CRELD1: variants seen among roughly 807,000 people sequenced by gnomAD.
The protein encoded by CRELD1 is CRELD disulfide isomerase 1.
In CRELD1, 42 loss-of-function variants were observed where a neutral mutation model predicts 58.2. That is an observed-to-expected ratio of 0.72 (90% CI 0.56 to 0.93). CRELD1 has a LOEUF of 0.93. Among genes scored for constraint, CRELD1 ranks in the 40% least tolerant of loss-of-function variants. The pLI is 0.00. For synonymous variants in CRELD1, 222 were observed against 202.0 expected (o/e 1.10, Z -0.84); for missense variants, 500 against 540.6 (o/e 0.92, Z 0.74).
chr3:9,933,895 T>C lies in CRELD1; in HGVS notation c.-45T>C, dbSNP rs972120018. The stretch of plus-strand genomic sequence containing the variant: ...GGCGCCCGCGGGCTGGGGCGGTCGC[T>C]TCTTCCTTCTCCGTGGCCTACGAGG... On this transcript the variant is annotated 5_prime_UTR_variant, in exon 1 of 11. Transcript: ENST00000452070. 2.9e-5 allele frequency: 13 copies of C among 445,782 alleles called. No homozygotes were observed. Among genetic ancestry groups the C allele is most frequent in the Non-Finnish European group, 4.8e-5 (12 of 248,714 alleles). 27.6% of individuals were successfully genotyped at this position (445,782 alleles called of 1,614,324 possible). A position where few individuals can be genotyped will look rare whatever the true frequency, so the allele number is the denominator to read the frequency against.
intron 6 of CRELD1, 42 bp downstream of exon 6, chr3:9,941,068 G>C: frequency 6.2e-7 from 1 of 1,613,508 alleles, no homozygotes; most frequent in East Asian, 2.2e-5. Flanking sequence ...GGGCAGATGG[G>C]GCACCTGCCT....
chr3:9,935,087 C>T (rs559492588), intron 3 of CRELD1, 170 bp downstream of exon 3: 4 of 608,224 alleles, frequency 6.6e-6, no homozygotes, highest in African/African-American at 1.9e-5. Context: ...TCCTGGAGCT[C>T]ACATTCTAGT....
At chr3:9,938,285 G>C in intron 5 of CRELD1, 179 bp downstream of exon 5, 1 of 642,078 alleles carries the variant, frequency 1.6e-6, no homozygotes, top group Admixed American at 2.4e-5. Context: ...GAAAGGCTTG[G>C]AGAAAGCACA....
intron 5 of CRELD1, 64 bp from the exon 6 acceptor site, chr3:9,940,786 A>AGGGAGACC (rs2085343834): frequency 2.1e-6 from 3 of 1,439,654 alleles, no homozygotes; most frequent in African/African-American, 1.4e-5. Flanking sequence ...GGAGAGGGAG[A>AGGGAGACC]AAATATTATC....
Position 9,941,114 on chromosome 3 carries a change from G to A in CRELD1, c.641G>A (p.Cys214Tyr), listed in dbSNP as rs776263976. ...RNASHLVCSA[C>Y]FGPCARCSGP... ...ATGCTGCCCCCATTCCACCCAGCTT[G>A]TTTTGGCCCCTGTGCCCGATGCTCA... Residue 214 changes from cysteine (C) to tyrosine (Y), a missense_variant, in exon 7 of 11, where the codon TGT becomes TAT. Physicochemically the swap from Cys to Tyr is radical, Grantham distance 194. Transcript: ENST00000452070. The A allele has an allele frequency of 4.3e-6, 7 of 1,614,246 alleles. No individual in the cohort carries two copies. In the Admixed American group the frequency reaches 1.2e-4, roughly 27 times the overall value.
chr3:9,938,435 A>G (rs1001820499), intron 5 of CRELD1: 37 of 343,216 alleles, frequency 1.1e-4, no homozygotes, highest in African/African-American at 7.6e-4. Flanking sequence ...TGGAGCCTCC[A>G]TGATCGCCAT....
At position 9,944,571 on chromosome 3, in the gene CRELD1, GGCAGATAATC is replaced by G; in HGVS notation, c.1258_*4del. 1 of 1,606,052 alleles carries G rather than the reference GGCAGATAATC, an allele frequency of 6.2e-7. No homozygotes were observed. The highest frequency in any genetic ancestry group is 1.1e-5 in the South Asian group (1 of 90,900). On this transcript the variant is annotated stop_lost and 3_prime_UTR_variant, in exon 11 of 11. Coordinates refer to ENST00000452070, the MANE Select transcript of CRELD1 (RefSeq NM_001077415.3). ...CCGTGTGCTGGAGGGCTTCATCAAG[GGCAGATAATC>G]GCGGCCACCACCTGTAGGACCTCCT... is the stretch of plus-strand genomic sequence containing the variant.
chr3:9,941,066 G>A (rs996914057), intron 6 of CRELD1, 40 bp downstream of exon 6: 2 of 1,613,170 alleles, frequency 1.2e-6, no homozygotes, highest in African/African-American at 2.7e-5. Context: ...AGGGGCAGAT[G>A]GGGCACCTGC....
At chr3:9,936,439 G>A (rs1413502274) in intron 3 of CRELD1, among the ~76,000 whole-genome samples, 1 of 151,450 alleles carries the variant, frequency 6.6e-6, no homozygotes, top group African/African-American at 2.4e-5. Context: ...CAGGATATAA[G>A]ACATCAAATA....
chr3:9,940,698 A>C, intron 5 of CRELD1, 152 bp from the exon 6 acceptor site: 5 of 525,922 alleles, frequency 9.5e-6, no homozygotes, highest in East Asian at 3.7e-5. Context: ...AGGGAGAGGG[A>C]GGCCATGGGG....
rs767223932 is a variant in CRELD1, at chr3:9,943,503, G to A, written c.1036G>A (p.Glu346Lys). Residue 346 changes from glutamate (E) to lysine (K), a missense_variant, in exon 10 of 11, where the codon GAG becomes AAG. Physicochemically the swap from Glu to Lys is moderately conservative, Grantham distance 56 (BLOSUM62 1). Transcript: ENST00000452070. Reference sequence around the variant, plus strand: ...GCAGATGGAAGGCATCTGTGTGAAGGAGCAGATCCCAGGTGAGCCCTGGGG... The same window carrying A: ...GCAGATGGAAGGCATCTGTGTGAAGAAGCAGATCCCAGGTGAGCCCTGGGG... ...YKQMEGICVK[E>K]QIPESAGFFS... The A allele has an allele frequency of 1.9e-6, 3 of 1,614,062 alleles. No homozygotes were observed. In the South Asian group the frequency reaches 3.3e-5, roughly 18 times the overall value.
intron 8 of CRELD1, 75 bp from the exon 9 acceptor site, chr3:9,943,002 G>A: frequency 1.3e-6 from 2 of 1,548,582 alleles, no homozygotes; most frequent in East Asian, 2.2e-5. Flanking sequence ...AGCACCCCCA[G>A]GCCTCCGCTT....
intron 5 of CRELD1, among the ~76,000 whole-genome samples, chr3:9,939,979 C>T (rs2085306138): frequency 6.6e-6 from 1 of 151,810 alleles, no homozygotes; most frequent in Non-Finnish European, 1.5e-5. Context: ...CCTCACCTCC[C>T]TCCCGGACGG....
chr3:9,940,664 GA>G (rs1421370673), intron 5 of CRELD1, among the ~76,000 whole-genome samples, 185 bp from the exon 6 acceptor site: 1 of 146,984 alleles, frequency 6.8e-6, no homozygotes, highest in African/African-American at 2.5e-5. Context: ...CGTGTAAAGA[GA>G]GGGAGAGGGA....
At chr3:9,942,702 C>T in intron 7 of CRELD1, 111 bp from the exon 8 acceptor site, 1 of 853,422 alleles carries the variant, frequency 1.2e-6, no homozygotes, top group South Asian at 1.4e-5. Context: ...AGACAGCTTG[C>T]AGTCTCTGCC....
At chr3:9,941,586 C>A (rs185420351) in intron 7 of CRELD1, among the ~76,000 whole-genome samples, 1 of 151,776 alleles carries the variant, frequency 6.6e-6, no homozygotes, top group Non-Finnish European at 1.5e-5. Flanking sequence ...ATCAGGAGAT[C>A]GAGACCATCC....
Position 9,938,004 on chromosome 3 carries a change from C to A in CRELD1, c.369-11C>A. The A allele has an allele frequency of 6.2e-7, 1 of 1,601,062 alleles. No individual in the cohort carries two copies. The highest frequency in any genetic ancestry group is 1.1e-5 in the South Asian group (1 of 90,740). ...TCCTCCCCACCTCCCTCCACCCTGC[C>A]CCTGCCTCAGGCAGCAGGAGGCCCC... On this transcript the variant is annotated splice_polypyrimidine_tract_variant and intron_variant, in intron 4 of 10. Transcript: ENST00000452070.
chr3:9,942,393 A>G (rs1393157679), intron 7 of CRELD1, among the ~76,000 whole-genome samples: 1 of 152,034 alleles, frequency 6.6e-6, no homozygotes. Flanking sequence ...CAGTACCCAG[A>G]TTATTCCTGT....
chr3:9,943,865 A>G, intron 10 of CRELD1: 5 of 1,613,894 alleles, frequency 3.1e-6, no homozygotes, highest in Non-Finnish European at 3.4e-6. Context: ...GGCAGGGACC[A>G]TTTCCCCAGC....
Sources: allele counts gnomAD v4.1 joint callset (sites outside exome capture counted in the v4.1 genomes callset), GRCh38; gene constraint gnomAD v4.1.1; transcripts MANE v1.5; gene names NCBI Gene and HGNC (gene_info 2026-07-23, HGNC 2026-07-21).